RITA1: variants seen among roughly 807,000 people sequenced by gnomAD.
RITA1 encodes the protein RBPJ interacting and tubulin associated 1.
A neutral mutation model predicts 8.7 loss-of-function variants in RITA1; 15 were observed. The observed-to-expected ratio is 1.72, with a 90% CI of 1.15 to 2.65. The LOEUF is 2.65. Among genes scored for constraint, RITA1 ranks in the 30% most tolerant of loss-of-function variants. The pLI is 0.00. For synonymous variants in RITA1, 145 were observed against 156.2 expected, an observed-to-expected ratio of 0.93 and a Z score of 0.53; for missense variants, 330 against 363.8, an observed-to-expected ratio of 0.91 and a Z score of 0.76.
At chr12:113,188,216 A>ATTTT (rs886170813) in intron 3 of RITA1, among the ~76,000 whole-genome samples, 1 of 131,088 alleles carries the variant, frequency 7.6e-6, no homozygotes, top group Non-Finnish European at 1.6e-5. Flanking sequence ...GCCTGACTTA[A>ATTTT]TTTTTTTTTT....
At chr12:113,186,379 G>T (rs1236978281) in intron 2 of RITA1, 63 bp downstream of exon 2, 1 of 1,365,978 alleles carries the variant, frequency 7.3e-7, no homozygotes, top group African/African-American at 1.5e-5. Context: ...ATAGGAAAGT[G>T]CCTGTCTCCC....
chr12:113,192,012 T>A lies in RITA1; in HGVS notation c.*195T>A. 1.3e-6 allele frequency: 1 copy of A among 746,424 alleles called. No homozygotes were observed. The highest frequency in any genetic ancestry group is 2.1e-6 in the Non-Finnish European group (1 of 485,974). The allele number at this position is 746,424 out of a possible 1,614,324, so 46.2% of individuals were successfully genotyped here. On this transcript the variant is annotated 3_prime_UTR_variant, in exon 4 of 4. Transcript: ENST00000548278. ...TCGATTCTTGCCTTTTTCTCCCGAT[T>A]GCGGATTTGGGGGCCACCTCTAAGA...
chr12:113,186,151 G>A (rs1952534107), intron 1 of RITA1, 34 bp from the exon 2 acceptor site: 2 of 1,420,904 alleles, frequency 1.4e-6, no homozygotes, highest in East Asian at 2.5e-5. Context: ...AAGTACACAA[G>A]CTCTGGACTC....
At position 113,186,916 on chromosome 12, in the gene RITA1, T is replaced by G; in HGVS notation, c.170T>G (p.Val57Gly). ...PTPPDFDPPW[V>G]EKANRTRGVG... Reference sequence around the variant, plus strand: ...CCACCGGACTTCGATCCGCCCTGGGTGGAGAAGGCTAACAGAACCAGAGGC... The same window carrying G: ...CCACCGGACTTCGATCCGCCCTGGGGGGAGAAGGCTAACAGAACCAGAGGC... The change falls in exon 3 of 4, where the codon GTG (valine) becomes GGG (glycine). Residue 57 changes from valine to glycine, a missense_variant. Coordinates refer to ENST00000548278, the MANE Select transcript of RITA1 (RefSeq NM_032848.3). 2 of 1,614,014 alleles carry G rather than the reference T, an allele frequency of 1.2e-6. No individual in the cohort carries two copies. Among genetic ancestry groups the G allele is most frequent in the South Asian group, 2.2e-5 (2 of 91,074 alleles).
chr12:113,191,894 C>CCCG lies in RITA1; in HGVS notation c.*79_*80insGCC. On this transcript the variant is annotated 3_prime_UTR_variant, in exon 4 of 4. Transcript: ENST00000548278. The surrounding 1 kb of genome is among the most constrained non-coding windows in gnomAD (Gnocchi z 4.0). The stretch of plus-strand genomic sequence containing the variant: ...TGCCAGGGTAGGAGGACATTCATCA[C>CCCG]CCAGGGAACCCCAGGTATTAAAGAA... 1 of 1,495,090 alleles carries CCCG rather than the reference C, an allele frequency of 6.7e-7. No individual in the cohort carries two copies. Among genetic ancestry groups the CCCG allele is most frequent in the Non-Finnish European group, 9.0e-7 (1 of 1,116,654 alleles). 92.6% of individuals were successfully genotyped at this position (1,495,090 alleles called of 1,614,324 possible). A position where few individuals can be genotyped will look rare whatever the true frequency, so the allele number is the denominator to read the frequency against.
intron 3 of RITA1, among the ~76,000 whole-genome samples, chr12:113,188,753 C>CCCTACCCT (rs1566105368): frequency 6.9e-6 from 1 of 145,550 alleles, no homozygotes; most frequent in Non-Finnish European, 1.5e-5. Flanking sequence ...GATTAGGATC[C>CCCTACCCT]CCTACCCTTA....
intron 3 of RITA1, among the ~76,000 whole-genome samples, chr12:113,190,846 T>C (rs1361199066): frequency 2.0e-5 from 3 of 152,136 alleles, no homozygotes; most frequent in African/African-American, 7.2e-5. Context: ...CCTTCAATCT[T>C]CAGTAGGAAG....
intron 3 of RITA1, among the ~76,000 whole-genome samples, chr12:113,188,850 G>A (rs1405606580): frequency 7.3e-5 from 8 of 109,928 alleles, no homozygotes; most frequent in South Asian, 3.3e-4. Context: ...TGGCTCTGTC[G>A]CCCAGGCTGG....
chr12:113,187,174 A>T (rs1952548721), intron 3 of RITA1, 126 bp downstream of exon 3: 2 of 1,011,992 alleles, frequency 2.0e-6, no homozygotes, highest in African/African-American at 3.2e-5. Flanking sequence ...CAGTTTACTC[A>T]TGTGGAAAAT....
chr12:113,186,758 C>A lies in RITA1; in HGVS notation c.12C>A (p.Pro4=). Reference sequence around the variant, plus strand: ...GGACCACAGGCAGCATGAAGACCCCCGTGGAGCTGGCCGTCAGTGGGATGC... The same window carrying A: ...GGACCACAGGCAGCATGAAGACCCCAGTGGAGCTGGCCGTCAGTGGGATGC... MKT[P]VELAVSGMQT... The change falls in exon 3 of 4, where the codon CCC becomes CCA. Residue 4 remains proline, a synonymous_variant. Transcript: ENST00000548278. 1 of 1,613,214 alleles carries A rather than the reference C, an allele frequency of 6.2e-7. No homozygotes were observed. Among genetic ancestry groups the A allele is most frequent in the Non-Finnish European group, 8.5e-7 (1 of 1,179,784 alleles).
intron 3 of RITA1, among the ~76,000 whole-genome samples, chr12:113,189,061 C>T (rs1047650497): frequency 8.6e-5 from 13 of 151,968 alleles, no homozygotes; most frequent in Admixed American, 1.3e-4. Context: ...TCTCCCGCCT[C>T]TGCTTTCCAA....
Position 113,192,008 on chromosome 12 carries a change from C to G in RITA1, c.*191C>G. ...CTAGTCGATTCTTGCCTTTTTCTCC[C>G]GATTGCGGATTTGGGGGCCACCTCT... is the stretch of plus-strand genomic sequence containing the variant. On this transcript the variant is annotated 3_prime_UTR_variant, in exon 4 of 4. Transcript: ENST00000548278. 1.3e-6 allele frequency: 1 copy of G among 759,376 alleles called. No homozygotes were observed. Among genetic ancestry groups the G allele is most frequent in the Non-Finnish European group, 2.0e-6 (1 of 498,030 alleles). The allele number at this position is 759,376 out of a possible 1,614,324, so 47.0% of individuals were successfully genotyped here.
At chr12:113,187,230 A>T in intron 3 of RITA1, 182 bp downstream of exon 3, 1 of 646,330 alleles carries the variant, frequency 1.5e-6, no homozygotes, top group East Asian at 2.8e-5. Context: ...GGATTAAATG[A>T]GAGAGGGGTC....
At chr12:113,189,655 G>T (rs1035044256) in intron 3 of RITA1, among the ~76,000 whole-genome samples, 1 of 150,764 alleles carries the variant, frequency 6.6e-6, no homozygotes, top group Non-Finnish European at 1.5e-5. Context: ...GCAGTTTGGG[G>T]ATAGAAGCAC....
chr12:113,189,452 T>G (rs911659182), intron 3 of RITA1, among the ~76,000 whole-genome samples: 6 of 151,526 alleles, frequency 4.0e-5, no homozygotes, highest in African/African-American at 9.7e-5. Flanking sequence ...AAAAGGGAGG[T>G]GACAACTCCT....
rs1952539123 is a variant in RITA1 at position 113,186,584 on chromosome 12, A to C, written c.-64-99A>C. On this transcript the variant is annotated intron_variant, in intron 2 of 3. Transcript: ENST00000548278. ...GCTCCCCTTTGAGAGACTGGTTGAGAGAGAACTAAACCCTTGGGATGAGAA... is the reference window on the plus strand; with the variant it reads ...GCTCCCCTTTGAGAGACTGGTTGAGCGAGAACTAAACCCTTGGGATGAGAA... 44 of 1,424,658 alleles carry C rather than the reference A, an allele frequency of 3.1e-5. 2 individuals carry two copies. In the South Asian group the frequency reaches 6.5e-4, roughly 21 times the overall value. The allele number at this position is 1,424,658 out of a possible 1,614,324, so 88.3% of individuals were successfully genotyped here.
Position 113,185,830 on chromosome 12 carries a change from C to A in RITA1, c.-388C>A. ...GTGCCGGCTCCTCGGGTGAGTCCGTCCGCGCGCGGTGCCCCGGGACGGCCT... is the reference window on the plus strand; with the variant it reads ...GTGCCGGCTCCTCGGGTGAGTCCGTACGCGCGCGGTGCCCCGGGACGGCCT... On this transcript the variant is annotated 5_prime_UTR_variant, in exon 1 of 4. Transcript: ENST00000548278. 2 of 755,058 alleles carry A rather than the reference C, an allele frequency of 2.6e-6. No homozygotes were observed. The highest frequency in any genetic ancestry group is 4.2e-6 in the Non-Finnish European group (2 of 479,014). 46.8% of individuals were successfully genotyped at this position (755,058 alleles called of 1,614,324 possible).
rs192953339 is a variant in RITA1, at chr12:113,191,128, G to C, written c.303-182G>C. Among the ~76,000 whole-genome samples the C allele has an allele frequency of 6.6e-6, 1 of 152,186 alleles. No homozygotes were observed. The highest frequency in any genetic ancestry group is 2.1e-4 in the South Asian group (1 of 4,834). ...TTCGCAGGGAAAATCAGCAGAGACC[G>C]GGGGCAGTGGTGCTTAAGAGGCTGT... On this transcript the variant is annotated intron_variant, in intron 3 of 3. Transcript: ENST00000548278. This position sits in a 1 kb window ranked among gnomAD's most constrained non-coding sequence, Gnocchi z 4.0.
chr12:113,186,028 G>C lies in RITA1; in HGVS notation c.-197+7G>C. 5 of 1,536,056 alleles carry C rather than the reference G, an allele frequency of 3.3e-6. No homozygotes were observed. Among genetic ancestry groups the C allele is most frequent in the Non-Finnish European group, 3.5e-6 (4 of 1,146,828 alleles). ...TACGAGCCAAGATGCTCAGGTAGGAGAACAACCCAAAAATGCAGGGACCTC... is the reference window on the plus strand; with the variant it reads ...TACGAGCCAAGATGCTCAGGTAGGACAACAACCCAAAAATGCAGGGACCTC... On this transcript the variant is annotated splice_region_variant and intron_variant, in intron 1 of 3. Transcript: ENST00000548278.
Sources: allele counts gnomAD v4.1 joint callset (sites outside exome capture counted in the v4.1 genomes callset), GRCh38; gene constraint gnomAD v4.1.1; non-coding constraint Gnocchi (gnomAD v3.1); transcripts MANE v1.5; gene names NCBI Gene and HGNC (gene_info 2026-07-23, HGNC 2026-07-21).